The following ASAP1 variants were observed in gnomAD, a reference collection of about 807,000 sequenced individuals.
ASAP1 encodes the protein arf-GAP with SH3 domain, ANK repeat and PH domain-containing protein 1.
In ASAP1, 43 loss-of-function variants were observed where a neutral mutation model predicts 145.2. The ratio of observed to expected loss-of-function variants is 0.30; its 90% CI spans 0.23 to 0.38. The LOEUF is 0.38. ASAP1 is among the 10% of genes least tolerant of loss of function. The pLI is 1.00. For synonymous variants in ASAP1, 546 were observed against 515.5 expected (o/e 1.06, Z -0.80); for missense variants, 1,018 against 1,355.3 (o/e 0.75, Z 3.91).
At position 130,092,093 on chromosome 8, in the gene ASAP1, C is replaced by T. The variant is rs772547829; in HGVS notation, c.2452G>A (p.Gly818Ser). 6.4e-7 allele frequency: 1 copy of T among 1,567,620 alleles called. No individual in the cohort carries two copies. ...CTCTTCTTGGATAGGGTGGAGCTGC[C>T]ACTAGAGGTCTGGGTGCTTAGAGGG... ...TLPLSTQTSSGSSTLSKKRPP... is the reference protein window; with the variant it reads ...TLPLSTQTSSSSSTLSKKRPP... The change falls in exon 25 of 30, where the codon GGC becomes AGC. Residue 818 changes from glycine (G) to serine (S), a missense_variant. Gly to Ser is a moderately conservative substitution (Grantham distance 56). Transcript: ENST00000518721.
intron 2 of ASAP1, among the ~76,000 whole-genome samples, chr8:130,374,494 C>A (rs995105642): frequency 1.4e-4 from 22 of 152,298 alleles, no homozygotes; most frequent in African/African-American, 5.1e-4. Context: ...CGGTGGCGCA[C>A]GCCTGTAATC....
intron 3 of ASAP1, among the ~76,000 whole-genome samples, chr8:130,323,245 T>C (rs1280231140): frequency 1.3e-5 from 2 of 152,226 alleles, no homozygotes; most frequent in Non-Finnish European, 2.9e-5. Flanking sequence ...TATGCCGTTC[T>C]ATTCAAGCCT....
intron 9 of ASAP1, among the ~76,000 whole-genome samples, chr8:130,173,272 C>T (rs1330171796): frequency 6.6e-6 from 1 of 152,122 alleles, no homozygotes; most frequent in Non-Finnish European, 1.5e-5. Flanking sequence ...TCAGTGACAC[C>T]ATAAAAAGCA....
chr8:130,072,824 T>TGTGTGTGTGTGTGTGTGCGCGC lies in ASAP1; in HGVS notation c.2701+3523_2701+3524insGCGCGCACACACACACACACAC. 6.2e-4 allele frequency among the ~76,000 whole-genome samples: 20 copies of TGTGTGTGTGTGTGTGTGCGCGC among 32,292 alleles called. 1 individual carries two copies. The highest frequency in any genetic ancestry group is 4.9e-3 in the East Asian group (2 of 412). 21.2% of individuals were successfully genotyped at this position (32,292 alleles called of 152,430 possible). On this transcript the variant is annotated intron_variant, in intron 27 of 29. Transcript: ENST00000518721. ...GTGTGTGTGTGTGTGTGTGTGTGTGTGCGCGCGGGGGGGGGCAGTTTTGGG... is the reference window on the plus strand; with the variant it reads ...GTGTGTGTGTGTGTGTGTGTGTGTGTGTGTGTGTGTGTGTGTGCGCGCGCGCGCGGGGGGGGGCAGTTTTGGG...
At chr8:130,118,724 G>T in intron 18 of ASAP1, 49 bp from the exon 19 acceptor site, 1 of 1,270,928 alleles carries the variant, frequency 7.9e-7, no homozygotes, top group Non-Finnish European at 1.0e-6. Flanking sequence ...TGCTAGGAAA[G>T]GTTTACATTT....
intron 15 of ASAP1, among the ~76,000 whole-genome samples, chr8:130,133,452 C>T (rs75927318): frequency 2.0e-5 from 3 of 151,556 alleles, no homozygotes; most frequent in South Asian, 2.1e-4. Context: ...GTCAGGAGAT[C>T]GAGACCATCC....
At chr8:130,387,569 C>G (rs544735501) in intron 2 of ASAP1, among the ~76,000 whole-genome samples, 8 of 148,970 alleles carry the variant, frequency 5.4e-5, no homozygotes, top group Non-Finnish European at 1.0e-4. Context: ...AGGTCCCAAC[C>G]AATTTTTTAA....
At chr8:130,393,798 G>A (rs1022510282) in intron 2 of ASAP1, among the ~76,000 whole-genome samples, 12 of 152,190 alleles carry the variant, frequency 7.9e-5, no homozygotes, top group Admixed American at 3.9e-4. Context: ...AGCTGAAGCC[G>A]TGGCAGAAGA....
At chr8:130,373,946 A>G (rs1827353306) in intron 2 of ASAP1, among the ~76,000 whole-genome samples, 1 of 151,050 alleles carries the variant, frequency 6.6e-6, no homozygotes, top group African/African-American at 2.4e-5. Flanking sequence ...GCAGATCTTT[A>G]TAAGAGTTTC....
At chr8:130,256,755 A>ATATATATATATATATATATATATC (rs1819567289) in intron 3 of ASAP1, among the ~76,000 whole-genome samples, 1 of 89,780 alleles carries the variant, frequency 1.1e-5, no homozygotes. Context: ...ATATATATAT[A>ATATATATATATATATATATATATC]TATATATATA....
chr8:130,234,808 C>T (rs1214878548), intron 4 of ASAP1, among the ~76,000 whole-genome samples: 1 of 152,192 alleles, frequency 6.6e-6, no homozygotes, highest in Non-Finnish European at 1.5e-5. Flanking sequence ...CATCACATTA[C>T]AGAGAACTGA....
intron 23 of ASAP1, among the ~76,000 whole-genome samples, chr8:130,112,681 T>A (rs1057039679): frequency 6.6e-6 from 1 of 152,276 alleles, no homozygotes; most frequent in African/African-American, 2.4e-5. Context: ...ATTTCTAATT[T>A]GCTACATTAA....
intron 3 of ASAP1, among the ~76,000 whole-genome samples, chr8:130,308,036 A>C (rs1478796025): frequency 3.9e-5 from 6 of 152,236 alleles, no homozygotes; most frequent in African/African-American, 1.4e-4. Context: ...TAAAACCCAT[A>C]GTCAATTTGC....
intron 3 of ASAP1, among the ~76,000 whole-genome samples, chr8:130,262,646 A>T (rs1183800538): frequency 6.6e-6 from 1 of 152,156 alleles, no homozygotes; most frequent in Non-Finnish European, 1.5e-5. Flanking sequence ...TCCATGATCC[A>T]TGTTGGGATA....
At chr8:130,249,535 T>G (rs1473460886) in intron 3 of ASAP1, among the ~76,000 whole-genome samples, 1 of 152,180 alleles carries the variant, frequency 6.6e-6, no homozygotes, top group African/African-American at 2.4e-5. Flanking sequence ...TTGTTCAACC[T>G]TTCAGATTGG....
chr8:130,118,482 G>A lies in ASAP1; in HGVS notation c.1794+7C>T. The A allele has an allele frequency of 1.3e-6, 2 of 1,599,462 alleles. No homozygotes were observed. The highest frequency in any genetic ancestry group is 1.7e-6 in the Non-Finnish European group (2 of 1,171,876). ...CTTTTTATCCAATGATTTTAGTGAG[G>A]CCTTACCTGCCCAGGTTCCAGCAGT... On this transcript the variant is annotated splice_region_variant and intron_variant, in intron 19 of 29. Coordinates refer to ENST00000518721, the MANE Select transcript of ASAP1 (RefSeq NM_018482.4).
chr8:130,068,977 G>A (rs1169358588), intron 27 of ASAP1, among the ~76,000 whole-genome samples: 1 of 152,194 alleles, frequency 6.6e-6, no homozygotes, highest in East Asian at 1.9e-4. Flanking sequence ...CCCTTCATGG[G>A]TCTTATAGAT....
rs998414911 is a variant in ASAP1, at chr8:130,236,637, T to C, written c.259+285A>G. On this transcript the variant is annotated intron_variant, in intron 4 of 29. Coordinates refer to ENST00000518721, the MANE Select transcript of ASAP1 (RefSeq NM_018482.4). ...GGTTGACCAAATTCACACAGAGATT[T>C]TATCTATCTCATGTTACTTGTGACA... Among the ~76,000 whole-genome samples the C allele has an allele frequency of 7.2e-5, 11 of 152,278 alleles. No individual in the cohort carries two copies. The South Asian group carries it at 1.2e-3, about 17-fold the overall frequency.
chr8:130,204,283 G>A (rs1478992910), intron 5 of ASAP1, among the ~76,000 whole-genome samples: 5 of 152,052 alleles, frequency 3.3e-5, no homozygotes, highest in Non-Finnish European at 5.9e-5. Context: ...CCATCCTCCC[G>A]GCTACCCTCT....
Sources: gnomAD v4.1 joint callset for allele counts (sites outside exome capture counted in the v4.1 genomes callset) on GRCh38, gnomAD v4.1.1 for gene constraint, MANE v1.5 for transcripts, NCBI Gene and HGNC (gene_info 2026-07-23, HGNC 2026-07-21) for gene names.